Variants in TATDN2 observed in about 807,000 individuals in gnomAD.
The protein encoded by TATDN2 is 3'-5' RNA nuclease TATDN2.
In TATDN2, 44 loss-of-function variants were observed where a neutral mutation model predicts 60.3. The observed-to-expected ratio is 0.73, with a 90% CI of 0.57 to 0.94. The LOEUF is 0.94. Ranked by LOEUF, TATDN2 falls within the 40% of genes least tolerant of loss-of-function variation. TATDN2 has a pLI of 0.00. For synonymous variants in TATDN2, 399 were observed against 355.8 expected (o/e 1.12, Z -1.37); for missense variants, 997 against 948.0 (o/e 1.05, Z -0.68).
rs1698175831 is a variant in TATDN2, at chr3:10,248,911, G to A, written c.-163G>A. 1.3e-5 allele frequency: 5 copies of A among 381,172 alleles called. No homozygotes were observed. The highest frequency in any genetic ancestry group is 2.1e-5 in the African/African-American group (1 of 48,188). 23.6% of individuals were successfully genotyped at this position (381,172 alleles called of 1,614,324 possible). ...GCTTAGGCATCTCCGAAGTAGCGCT[G>A]GGCAAAGTGAAGGCTTCCTGATCTC... On this transcript the variant is annotated 5_prime_UTR_variant, in exon 1 of 8. Coordinates refer to ENST00000448281, the MANE Select transcript of TATDN2 (RefSeq NM_014760.4).
intron 2 of TATDN2, among the ~76,000 whole-genome samples, chr3:10,256,079 C>T (rs1698304062): frequency 6.6e-6 from 1 of 152,140 alleles, no homozygotes; most frequent in African/African-American, 2.4e-5. Context: ...ATACATATTT[C>T]ACTTGTCTTA....
chr3:10,270,458 A>T lies in TATDN2; in HGVS notation c.1276A>T (p.Ser426Cys), dbSNP rs1559463479. 1 of 1,614,206 alleles carries T rather than the reference A, an allele frequency of 6.2e-7. No individual in the cohort carries two copies. The highest frequency in any genetic ancestry group is 8.5e-7 in the Non-Finnish European group (1 of 1,180,044). The change falls in exon 4 of 8, where the codon AGT becomes TGT. Residue 426 changes from serine (S) to cysteine (C), a missense_variant. Physicochemically the swap from Ser to Cys is moderately radical, Grantham distance 112. Transcript: ENST00000448281. ...MSDYSPNSTG[S>C]VQNTSRDMEA... ...TGATTATTCCCCCAACTCTACAGGGAGTGTCCAAAACACCTCCAGAGACAT... is the reference window on the plus strand; with the variant it reads ...TGATTATTCCCCCAACTCTACAGGGTGTGTCCAAAACACCTCCAGAGACAT...
rs748051131 is a variant in TATDN2, at chr3:10,270,443, C to T, written c.1261C>T (p.Pro421Ser). ...SSRSRMSDYS[P>S]NSTGSVQNTS... ...CCGGAGCCGCATGAGTGATTATTCC[C>T]CCAACTCTACAGGGAGTGTCCAAAA... Residue 421 changes from proline (P) to serine (S), a missense_variant, in exon 4 of 8, where the codon CCC becomes TCC. Physicochemically the swap from Pro to Ser is moderately conservative, Grantham distance 74 (BLOSUM62 -1). Transcript: ENST00000448281. The T allele has an allele frequency of 1.9e-6, 3 of 1,614,094 alleles. No homozygotes were observed. The highest frequency in any genetic ancestry group is 2.5e-6 in the Non-Finnish European group (3 of 1,180,048).
rs1698547871 is a variant in TATDN2 at position 10,270,652 on chromosome 3, C to T, written c.1470C>T (p.Ser490=). Residue 490 remains serine, a synonymous_variant, in exon 4 of 8, where the codon AGC becomes AGT. Transcript: ENST00000448281. ...SSLPKSHLEP[S]LEEGFIDTHC... Reference sequence around the variant, plus strand: ...TGCCAAAGAGCCACCTGGAGCCAAGCCTAGAGGAGGGCTTCATTGACACTC... The same window carrying T: ...TGCCAAAGAGCCACCTGGAGCCAAGTCTAGAGGAGGGCTTCATTGACACTC... 6.2e-7 allele frequency: 1 copy of T among 1,614,198 alleles called. No individual in the cohort carries two copies. Among genetic ancestry groups the T allele is most frequent in the African/African-American group, 1.3e-5 (1 of 75,052 alleles).
rs766140849 is a variant in TATDN2 at position 10,278,865 on chromosome 3, G to A, written c.2146-20G>A. On this transcript the variant is annotated intron_variant, in intron 6 of 7. Transcript: ENST00000448281. This position sits in a 1 kb window ranked among gnomAD's most constrained non-coding sequence, Gnocchi z 4.7. ...TGCACACATGGCACAATGATGTTAT[G>A]ACCACTTGATGTCTTCCAGGTTCCC... is the stretch of plus-strand genomic sequence containing the variant. The A allele has an allele frequency of 2.5e-6, 4 of 1,613,944 alleles. No homozygotes were observed. Among genetic ancestry groups the A allele is most frequent in the Non-Finnish European group, 3.4e-6 (4 of 1,179,956 alleles).
intron 4 of TATDN2, among the ~76,000 whole-genome samples, chr3:10,273,073 T>TG (rs1253191575): frequency 1.3e-5 from 2 of 152,034 alleles, no homozygotes. Context: ...TAAAGGTCCA[T>TG]GGGGCGACCT....
rs375592678 is a variant in TATDN2 at position 10,258,962 on chromosome 3, C to T, written c.415-1175C>T. ...ACGGCTCACTGAAACCTCTGCCTCC[C>T]AGGTTCAAGCGATTCTTGTGCCTTA... On this transcript the variant is annotated intron_variant, in intron 2 of 7. Coordinates refer to ENST00000448281, the MANE Select transcript of TATDN2 (RefSeq NM_014760.4). Among the ~76,000 whole-genome samples the T allele has an allele frequency of 1.1e-3, 164 of 152,272 alleles. 2 individuals are homozygous for T. The highest frequency in any genetic ancestry group is 3.6e-3 in the African/African-American group (151 of 41,544).
In TATDN2 at chr3:10,249,242, C is replaced by A; in HGVS notation, c.42C>A (p.Ser14Arg). 1 of 1,555,734 alleles carries A rather than the reference C, an allele frequency of 6.4e-7. No individual in the cohort carries two copies. The highest frequency in any genetic ancestry group is 1.9e-5 in the Admixed American group (1 of 52,840). Reference protein sequence around the residue: ...ERGKVKHNWSSTSEGCPRKRS... With the variant: ...ERGKVKHNWSRTSEGCPRKRS... ...GCAAGGTCAAGCACAACTGGAGCAGCACGTCGGAAGGGTGTCCCCGCAAGC... is the reference window on the plus strand; with the variant it reads ...GCAAGGTCAAGCACAACTGGAGCAGAACGTCGGAAGGGTGTCCCCGCAAGC... Residue 14 changes from serine to arginine, a missense_variant, in exon 2 of 8, where the codon AGC (serine) becomes AGA (arginine). By Grantham distance (110) the Ser-to-Arg change is moderately radical. Coordinates refer to ENST00000448281, the MANE Select transcript of TATDN2 (RefSeq NM_014760.4).
chr3:10,261,260 A>AC (rs1241416125), intron 3 of TATDN2, among the ~76,000 whole-genome samples: 4 of 152,210 alleles, frequency 2.6e-5, no homozygotes, highest in African/African-American at 9.7e-5. Context: ...ATCTAGGCAG[A>AC]CTTGTACCTG....
At chr3:10,250,163 TGC>T (rs1698199658) in intron 2 of TATDN2, among the ~76,000 whole-genome samples, 2 of 142,054 alleles carry the variant, frequency 1.4e-5, no homozygotes. Context: ...TGCTTGGTGG[TGC>T]TAGTTTTTTT....
intron 2 of TATDN2, among the ~76,000 whole-genome samples, chr3:10,256,605 T>C (rs753158789): frequency 6.6e-6 from 1 of 152,128 alleles, no homozygotes; most frequent in Non-Finnish European, 1.5e-5. Context: ...TGGTTTTACT[T>C]GAAAGAAACA....
At chr3:10,259,823 T>C (rs1483595708) in intron 2 of TATDN2, among the ~76,000 whole-genome samples, 2 of 152,188 alleles carry the variant, frequency 1.3e-5, no homozygotes, top group African/African-American at 4.8e-5. Context: ...CTTGAGCTGC[T>C]GTTTTGCCTG....
chr3:10,275,760 AAAC>A (rs1698626855), intron 4 of TATDN2, among the ~76,000 whole-genome samples: 1 of 820 alleles, frequency 1.2e-3, no homozygotes, highest in African/African-American at 7.9e-3. Context: ...AAACAAAACA[AAAC>A]AAAACAAAAA....
chr3:10,264,140 A>G (rs2125176416), intron 3 of TATDN2, among the ~76,000 whole-genome samples: 1 of 152,288 alleles, frequency 6.6e-6, no homozygotes, highest in South Asian at 2.1e-4. Flanking sequence ...TCTGAGTATG[A>G]GGAGGGAATC....
chr3:10,256,394 T>G (rs1341342802), intron 2 of TATDN2, among the ~76,000 whole-genome samples: 1 of 152,064 alleles, frequency 6.6e-6, no homozygotes, highest in African/African-American at 2.4e-5. Context: ...CAGACTGGTC[T>G]TGAACTCCTA....
chr3:10,271,973 C>T (rs1282550803), intron 4 of TATDN2, among the ~76,000 whole-genome samples: 1 of 152,128 alleles, frequency 6.6e-6, no homozygotes, highest in African/African-American at 2.4e-5. Context: ...AAGTAATCCA[C>T]CTGCCTCGGC....
At chr3:10,273,616 T>C (rs1698596821) in intron 4 of TATDN2, among the ~76,000 whole-genome samples, 2 of 148,378 alleles carry the variant, frequency 1.3e-5, no homozygotes, top group South Asian at 2.1e-4. Flanking sequence ...AAAAAGAGCC[T>C]GTGGAAGGTC....
intron 3 of TATDN2, among the ~76,000 whole-genome samples, chr3:10,261,357 A>G (rs1386084053): frequency 7.2e-6 from 1 of 138,616 alleles, no homozygotes; most frequent in Non-Finnish European, 1.5e-5. Flanking sequence ...GCATTCCTCC[A>G]TCTTTTTCTT....
intron 3 of TATDN2, among the ~76,000 whole-genome samples, chr3:10,267,893 G>A: frequency 6.6e-6 from 1 of 151,568 alleles, no homozygotes; most frequent in African/African-American, 2.4e-5. Context: ...ATTCAGCAGG[G>A]AAAAAAAACA....
Sources: gnomAD v4.1 joint callset for allele counts (sites outside exome capture counted in the v4.1 genomes callset) on GRCh38, gnomAD v4.1.1 for gene constraint, Gnocchi (gnomAD v3.1) non-coding constraint, MANE v1.5 for transcripts, NCBI Gene and HGNC (gene_info 2026-07-23, HGNC 2026-07-21) for gene names.